ADCY6: variants seen among roughly 807,000 people sequenced by gnomAD.
The protein encoded by ADCY6 is adenylate cyclase 6.
A neutral mutation model predicts 111.6 loss-of-function variants in ADCY6; 59 were observed. The observed-to-expected ratio is 0.53, with a 90% CI of 0.43 to 0.66. The LOEUF is 0.66. Among genes scored for constraint, ADCY6 ranks in the 30% least tolerant of loss-of-function variants. The pLI is 0.00. For missense variants in ADCY6, 1,242 were observed against 1,595.6 expected (o/e 0.78, Z 3.78); for synonymous variants, 576 against 642.9 (o/e 0.90, Z 1.57).
intron 20 of ADCY6, among the ~76,000 whole-genome samples, chr12:48,769,413 C>CAA (rs111727567): frequency 1.5e-3 from 58 of 38,586 alleles, no homozygotes; most frequent in East Asian, 2.4e-3. Flanking sequence ...ATCCCCATCT[C>CAA]AAAAAAAAAA....
intron 10 of ADCY6, 92 bp downstream of exon 10, chr12:48,775,581 A>G (rs1160584785): frequency 1.1e-5 from 18 of 1,573,698 alleles, no homozygotes; most frequent in Non-Finnish European, 1.6e-5. Flanking sequence ...CCCACACAAC[A>G]CTCCTAAGGT....
rs1410728595 is a variant in ADCY6, at chr12:48,771,673, C to T, written c.3051+37G>A. On this transcript the variant is annotated intron_variant, in intron 19 of 21. Transcript: ENST00000357869. This position sits in a 1 kb window ranked among gnomAD's most constrained non-coding sequence, Gnocchi z 4.3. ...TCCAATCCCTGGTCTCCAAGTACCC[C>T]CCACTCTCTGCCACCACCAGCCAAC... 6.2e-7 allele frequency: 1 copy of T among 1,612,596 alleles called. No individual in the cohort carries two copies. Among genetic ancestry groups the T allele is most frequent in the Non-Finnish European group, 8.5e-7 (1 of 1,179,998 alleles).
Position 48,776,609 on chromosome 12 carries a change from C to T in ADCY6, c.1377-23G>A. On this transcript the variant is annotated intron_variant, in intron 6 of 21. Coordinates refer to ENST00000357869, the MANE Select transcript of ADCY6 (RefSeq NM_015270.5). This position sits in a 1 kb window ranked among gnomAD's most constrained non-coding sequence, Gnocchi z 6.1. ...AGCCTGGGAGGATGCAGCCCCAGAT[C>T]AGCTCCTGGCAGTCTTCCCCTCCCC... 1 of 1,587,766 alleles carries T rather than the reference C, an allele frequency of 6.3e-7. No individual in the cohort carries two copies. The highest frequency in any genetic ancestry group is 1.7e-5 in the Admixed American group (1 of 59,158).
In ADCY6 at chr12:48,775,668, C is replaced by T. The variant is rs749162464; in HGVS notation, c.1832+5G>A. On this transcript the variant is annotated splice_donor_5th_base_variant and intron_variant, in intron 10 of 21. Coordinates refer to ENST00000357869, the MANE Select transcript of ADCY6 (RefSeq NM_015270.5). ...GCCTTCTCCCTCCTCAGTAACCTGACTTACTTGTCTTTGCTGGAATCATCA... is the reference window on the plus strand; with the variant it reads ...GCCTTCTCCCTCCTCAGTAACCTGATTTACTTGTCTTTGCTGGAATCATCA... The T allele has an allele frequency of 6.2e-7, 1 of 1,613,216 alleles. No homozygotes were observed. Among genetic ancestry groups the T allele is most frequent in the Non-Finnish European group, 8.5e-7 (1 of 1,179,260 alleles).
chr12:48,771,574 T>A lies in ADCY6; in HGVS notation c.3051+136A>T. On this transcript the variant is annotated intron_variant, in intron 19 of 21. Transcript: ENST00000357869. This position sits in a 1 kb window ranked among gnomAD's most constrained non-coding sequence, Gnocchi z 4.3. The stretch of plus-strand genomic sequence containing the variant: ...CATGGGTTCTTGCCTCTGCCTCCAC[T>A]GTGCATACCCTTACCCCTGATGACT... The A allele has an allele frequency of 2.1e-6, 3 of 1,422,160 alleles. No homozygotes were observed. Among genetic ancestry groups the A allele is most frequent in the Non-Finnish European group, 2.0e-6 (2 of 1,022,078 alleles). The allele number at this position is 1,422,160 out of a possible 1,614,324, so 88.1% of individuals were successfully genotyped here. A position where few individuals can be genotyped will look rare whatever the true frequency, so the allele number is the denominator to read the frequency against.
rs775474139 is a variant in ADCY6, at chr12:48,775,013, G to C, written c.2022C>G (p.Ala674=). The part of the protein sequence containing the change: ...KVDPRFGAYV[A]CALLVFCFIC... ...TGAAGCAGAAGACCAACAGGGCACA[G>C]GCAACGTAGGCTCCGAAGCGGGGAT... Residue 674 remains alanine, a synonymous_variant, in exon 12 of 22, where the codon GCC becomes GCG. Transcript: ENST00000357869. 1.4e-5 allele frequency: 22 copies of C among 1,558,182 alleles called. No homozygotes were observed. Among genetic ancestry groups the C allele is most frequent in the Non-Finnish European group, 1.8e-5 (21 of 1,150,668 alleles).
In ADCY6 at chr12:48,771,080, A is replaced by G; in HGVS notation, c.3052-110T>C. 1 of 1,075,978 alleles carries G rather than the reference A, an allele frequency of 9.3e-7. No homozygotes were observed. Among genetic ancestry groups the G allele is most frequent in the East Asian group, 2.6e-5 (1 of 38,646 alleles). The allele number at this position is 1,075,978 out of a possible 1,614,324, so 66.7% of individuals were successfully genotyped here. A position where few individuals can be genotyped will look rare whatever the true frequency, so the allele number is the denominator to read the frequency against. The stretch of plus-strand genomic sequence containing the variant: ...GCTGCCTTCCCCACTTCCCTGTCTC[A>G]AGAGCCCCCTTCCAGCTGCTGCTAT... On this transcript the variant is annotated intron_variant, in intron 19 of 21. Coordinates refer to ENST00000357869, the MANE Select transcript of ADCY6 (RefSeq NM_015270.5). The surrounding 1 kb of genome is among the most constrained non-coding windows in gnomAD (Gnocchi z 4.3).
rs1244485901 is a variant in ADCY6 at position 48,768,158 on chromosome 12, T to C, written c.*433A>G. 4.0e-6 allele frequency: 1 copy of C among 253,104 alleles called. No individual in the cohort carries two copies. Among genetic ancestry groups the C allele is most frequent in the Non-Finnish European group, 7.8e-6 (1 of 128,868 alleles). 15.7% of individuals were successfully genotyped at this position (253,104 alleles called of 1,614,324 possible). On this transcript the variant is annotated 3_prime_UTR_variant, in exon 22 of 22. Coordinates refer to ENST00000357869, the MANE Select transcript of ADCY6 (RefSeq NM_015270.5). ...AATAGGCACTCCTCATGCCTGTCTT[T>C]GTACAAAATATTGTACAAAATATTC... is the stretch of plus-strand genomic sequence containing the variant.
In ADCY6 at chr12:48,774,754, A is replaced by G. The variant is rs1941649009; in HGVS notation, c.2103T>C (p.Tyr701=). 1.9e-6 allele frequency: 3 copies of G among 1,614,182 alleles called. No homozygotes were observed. The highest frequency in any genetic ancestry group is 2.5e-6 in the Non-Finnish European group (3 of 1,180,022). Residue 701 remains tyrosine (Y), a synonymous_variant, in exon 13 of 22, where the codon TAT becomes TAC. Coordinates refer to ENST00000357869, the MANE Select transcript of ADCY6 (RefSeq NM_015270.5). ...TTAGCAGCAGCAGGAAGATGCTGGCATAGATCCCAAGCATCAGGGTGGAGC... is the reference window on the plus strand; with the variant it reads ...TTAGCAGCAGCAGGAAGATGCTGGCGTAGATCCCAAGCATCAGGGTGGAGC... The part of the protein sequence containing the change: ...FPHSTLMLGI[Y]ASIFLLLLIT...
chr12:48,770,963 C>T lies in ADCY6; in HGVS notation c.3059G>A (p.Ser1020Asn). 3 of 1,613,984 alleles carry T rather than the reference C, an allele frequency of 1.9e-6. No individual in the cohort carries two copies. The highest frequency in any genetic ancestry group is 1.1e-5 in the South Asian group (1 of 91,078). The change falls in exon 20 of 22, where the codon AGC becomes AAC. Residue 1020 changes from serine (S) to asparagine (N), a missense_variant. Physicochemically the swap from Ser to Asn is conservative, Grantham distance 46 (BLOSUM62 1). Around this residue, in one of 4 missense-constraint regions of ADCY6, gnomAD observed 245 missense variants for 371.3 expected, o/e 0.66. Transcript: ENST00000357869. ...TTCCAGCTGCCGGAACCGCTCCTCG[C>T]TGATAATCTGAACAACACAAGGAGA... ...EIIADFDEII[S>N]EERFRQLEKI...
In ADCY6 at chr12:48,773,649, T is replaced by TG. The variant is rs746286445; in HGVS notation, c.2443-3dup. On this transcript the variant is annotated splice_polypyrimidine_tract_variant and splice_region_variant and intron_variant, in intron 15 of 21. Transcript: ENST00000357869. ...CAGCAGCATGTTCCCGATGAAGTAC[T>TG]GCGGGGGTGGCAGAGGCAGCGTTGG... is the stretch of plus-strand genomic sequence containing the variant. The TG allele has an allele frequency of 5.6e-6, 9 of 1,613,866 alleles. No individual in the cohort carries two copies. The highest frequency in any genetic ancestry group is 7.6e-6 in the Non-Finnish European group (9 of 1,180,006).
rs1565646052 is a variant in ADCY6 at position 48,774,698 on chromosome 12, CAGG to C, written c.2156_2158del (p.Ser719del). The C allele has an allele frequency of 6.2e-7, 1 of 1,614,066 alleles. No homozygotes were observed. On this transcript the variant is annotated inframe_deletion, in exon 13 of 22. Transcript: ENST00000357869. ...AGAAATCCCCTTACGTACAGAACCA[CAGG>C]AGTACACAGCACAGATCAGCACGGT...
chr12:48,783,648 G>A (rs1941915091), intron 1 of ADCY6: 2 of 1,251,984 alleles, frequency 1.6e-6, no homozygotes, highest in South Asian at 1.6e-5. Context: ...GTCAGGACAA[G>A]AAACTTGCCC....
intron 1 of ADCY6, among the ~76,000 whole-genome samples, chr12:48,786,088 G>A (rs544342316): frequency 1.3e-4 from 20 of 152,274 alleles, no homozygotes; most frequent in Non-Finnish European, 2.1e-4. Flanking sequence ...ACCCTGAGGG[G>A]TCCCTTGTAA....
intron 2 of ADCY6, among the ~76,000 whole-genome samples, chr12:48,779,373 C>T (rs1941787848): frequency 6.6e-6 from 1 of 152,190 alleles, no homozygotes; most frequent in South Asian, 2.1e-4. Context: ...TATCTATCTA[C>T]TGCATTCCAT....
rs1941395536 is a variant in ADCY6 at position 48,767,081 on chromosome 12, A to G, written c.*1510T>C. 6.6e-6 allele frequency: 1 copy of G among 152,564 alleles called. No individual in the cohort carries two copies. Among genetic ancestry groups the G allele is most frequent in the South Asian group, 2.1e-4 (1 of 4,824 alleles). The allele number at this position is 152,564 out of a possible 1,614,324, so 9.5% of individuals were successfully genotyped here. On this transcript the variant is annotated 3_prime_UTR_variant, in exon 22 of 22. Coordinates refer to ENST00000357869, the MANE Select transcript of ADCY6 (RefSeq NM_015270.5). Reference sequence around the variant, plus strand: ...GCCAAGTTTAAGGTTCCTCTTCCCCACCCCGTAGTACCAGTATCCAGGTCC... The same window carrying G: ...GCCAAGTTTAAGGTTCCTCTTCCCCGCCCCGTAGTACCAGTATCCAGGTCC...
At position 48,768,984 on chromosome 12, in the gene ADCY6, T is replaced by C. The variant is rs769587501; in HGVS notation, c.3334A>G (p.Asn1112Asp). 1.2e-6 allele frequency: 2 copies of C among 1,614,032 alleles called. No individual in the cohort carries two copies. Among genetic ancestry groups the C allele is most frequent in the Non-Finnish European group, 1.7e-6 (2 of 1,179,962 alleles). The change falls in exon 21 of 22, where the codon AAT (asparagine) becomes GAT (aspartate). Residue 1112 changes from asparagine to aspartate, a missense_variant. Physicochemically the swap from Asn to Asp is conservative, Grantham distance 23 (BLOSUM62 1). Coordinates refer to ENST00000357869, the MANE Select transcript of ADCY6 (RefSeq NM_015270.5). Reference protein sequence around the residue: ...PQYDIWGNTVNVSSRMDSTGV... With the variant: ...PQYDIWGNTVDVSSRMDSTGV... The stretch of plus-strand genomic sequence containing the variant: ...GTGCTGTCCATACGACTAGAGACAT[T>C]CACTGTGTTCCCCCAGATGTCATAC...
chr12:48,768,405 G>T lies in ADCY6; in HGVS notation c.*186C>A. On this transcript the variant is annotated 3_prime_UTR_variant, in exon 22 of 22. Coordinates refer to ENST00000357869, the MANE Select transcript of ADCY6 (RefSeq NM_015270.5). ...GTCACTTGCATAATCCTCTCGGTAG[G>T]TAGCCCCTTGTTTTCCAGCTTGAGG... 1.3e-6 allele frequency: 1 copy of T among 775,586 alleles called. No individual in the cohort carries two copies. Among genetic ancestry groups the T allele is most frequent in the Non-Finnish European group, 2.1e-6 (1 of 481,486 alleles). 48.0% of individuals were successfully genotyped at this position (775,586 alleles called of 1,614,324 possible).
rs772633803 is a variant in ADCY6 at position 48,783,311 on chromosome 12, G to A, written c.124C>T (p.Arg42Cys). The part of the protein sequence containing the change: ...GTRAGGFCTP[R>C]YMSCLRDAEP... ...GCATCCCGGAGGCAGCTCATATAGCGGGGCGTGCAGAAGCCACCTGCCCGA... is the reference window on the plus strand; with the variant it reads ...GCATCCCGGAGGCAGCTCATATAGCAGGGCGTGCAGAAGCCACCTGCCCGA... Residue 42 changes from arginine (R) to cysteine (C), a missense_variant, in exon 2 of 22, where the codon CGC becomes TGC. By Grantham distance (180) the Arg-to-Cys change is radical (BLOSUM62 -3). Coordinates refer to ENST00000357869, the MANE Select transcript of ADCY6 (RefSeq NM_015270.5). 1.1e-5 allele frequency: 17 copies of A among 1,613,496 alleles called. No homozygotes were observed. Among genetic ancestry groups the A allele is most frequent in the East Asian group, 2.2e-5 (1 of 44,878 alleles).
Sources: allele counts gnomAD v4.1 joint callset (sites outside exome capture counted in the v4.1 genomes callset), GRCh38; gene constraint gnomAD v4.1.1; regional missense constraint gnomAD v4.1.1; non-coding constraint Gnocchi (gnomAD v3.1); transcripts MANE v1.5; gene names NCBI Gene and HGNC (gene_info 2026-07-23, HGNC 2026-07-21).